Variants in ACTA2 observed in about 807,000 individuals in gnomAD.
ACTA2 encodes the protein actin alpha 2, smooth muscle, also known as actin, aortic smooth muscle.
In ACTA2, 12 loss-of-function variants were observed where a neutral mutation model predicts 39.5. That is an observed-to-expected ratio of 0.30 (90% CI 0.19 to 0.49). The LOEUF (loss-of-function observed/expected upper bound fraction) is 0.49, where lower values mean the gene tolerates loss of function less well. Ranked by LOEUF, ACTA2 falls within the 20% of genes least tolerant of loss-of-function variation. The pLI is 0.99. For synonymous variants in ACTA2, 158 were observed against 180.6 expected (o/e 0.88, Z 1.00); for missense variants, 236 against 498.8 (o/e 0.47, Z 5.02).
chr10:88,983,701 A>G (rs1312552937), intron 1 of ACTA2, among the ~76,000 whole-genome samples: 5 of 149,620 alleles, frequency 3.3e-5, no homozygotes, highest in African/African-American at 9.8e-5. Flanking sequence ...TATTACTGAT[A>G]TCTTATTTTT....
exon 1 of ACTA2, chr10:88,991,258 C>G (rs1349712357): frequency 2.2e-6 from 1 of 463,068 alleles, no homozygotes; most frequent in Non-Finnish European, 4.0e-6. Flanking sequence ...GTCTGGGAAG[C>G]TTTAGGGTCG....
intron 2 of ACTA2, 110 bp from the exon 3 acceptor site, chr10:88,947,496 A>C: frequency 2.7e-6 from 4 of 1,490,938 alleles, no homozygotes; most frequent in Non-Finnish European, 2.8e-6. Context: ...TCTTCTGATT[A>C]TCAGCAACAA....
intron 1 of ACTA2, among the ~76,000 whole-genome samples, chr10:88,971,131 T>C (rs1846437031): frequency 6.6e-6 from 1 of 152,188 alleles, no homozygotes; most frequent in Non-Finnish European, 1.5e-5. Context: ...AATTGTAGAT[T>C]TGGGCAGAAA....
rs545359069 is a variant in ACTA2, at chr10:88,958,175, ATAT to A, written c.-23-9225_-23-9223del. 1.6e-3 allele frequency among the ~76,000 whole-genome samples: 238 copies of A among 152,290 alleles called. 1 individual carries two copies. The highest frequency in any genetic ancestry group is 3.3e-3 in the Admixed American group (51 of 15,304). On this transcript the variant is annotated intron_variant, in intron 1 of 4. Transcript: ENST00000415557. The stretch of plus-strand genomic sequence containing the variant: ...TTCTATAATAATATGTCCAACTATA[ATAT>A]GTTTGAAGGCAGACTAAATTGATTT...
exon 1 of ACTA2, chr10:88,991,120 T>C: frequency 1.6e-6 from 1 of 636,752 alleles, no homozygotes; most frequent in Non-Finnish European, 2.7e-6. Context: ...CTGGAGGACT[T>C]GCTTTTCTTG....
At chr10:88,985,819 G>T (rs962530135) in intron 1 of ACTA2, among the ~76,000 whole-genome samples, 1 of 152,224 alleles carries the variant, frequency 6.6e-6, no homozygotes, top group African/African-American at 2.4e-5. Context: ...TTGGGGGCAG[G>T]GAGGAAGTCT....
At chr10:88,941,192 C>CAT (rs1446834354) in intron 6 of ACTA2, 37 bp downstream of exon 6, 1 of 1,612,460 alleles carries the variant, frequency 6.2e-7, no homozygotes, top group Admixed American at 1.7e-5. Flanking sequence ...GAGCAACACA[C>CAT]TGCTCCCCTC....
chr10:88,949,028 C>G, intron 1 of ACTA2, 75 bp from the exon 2 acceptor site: 2 of 1,527,880 alleles, frequency 1.3e-6, no homozygotes, highest in East Asian at 2.3e-5. Flanking sequence ...CTCCCACCTC[C>G]AAGGCTGGGT....
Position 88,990,324 on chromosome 10 carries a change from C to T in ACTA2, c.-24+615G>A, listed in dbSNP as rs1036078014. Among the ~76,000 whole-genome samples, 2 of 152,210 alleles carry T rather than the reference C, an allele frequency of 1.3e-5. No individual in the cohort carries two copies. The highest frequency in any genetic ancestry group is 2.9e-5 in the Non-Finnish European group (2 of 68,038). Reference sequence around the variant, plus strand: ...CAAGGCTCCTGTACCCAGGCAGGACCTCTGCGCTCTGAGCTCCATTCTCCT... The same window carrying T: ...CAAGGCTCCTGTACCCAGGCAGGACTTCTGCGCTCTGAGCTCCATTCTCCT... On this transcript the variant is annotated intron_variant, in intron 1 of 4. Coordinates refer to the ACTA2 transcript ENST00000415557. This position sits in a 1 kb window ranked among gnomAD's most constrained non-coding sequence, Gnocchi z 4.9.
intron 1 of ACTA2, among the ~76,000 whole-genome samples, chr10:88,975,366 G>A (rs1487798104): frequency 6.6e-6 from 1 of 152,214 alleles, no homozygotes; most frequent in Non-Finnish European, 1.5e-5. Flanking sequence ...AATTAGTTGA[G>A]AAGGACAATA....
chr10:88,975,730 A>C (rs1438362827), intron 1 of ACTA2, among the ~76,000 whole-genome samples: 1 of 152,124 alleles, frequency 6.6e-6, no homozygotes, highest in Non-Finnish European at 1.5e-5. Flanking sequence ...AATATTCGAG[A>C]ATTAAAGAAA....
intron 3 of ACTA2, 107 bp from the exon 4 acceptor site, chr10:88,944,014 G>A: frequency 1.1e-6 from 1 of 921,484 alleles, no homozygotes; most frequent in Non-Finnish European, 1.7e-6. Flanking sequence ...CAAAGGAAAT[G>A]CTACAAGTAC....
chr10:88,990,909 G>T lies in ACTA2; in HGVS notation c.-24+30C>A. On this transcript the variant is annotated intron_variant, in intron 1 of 4. Coordinates refer to the ACTA2 transcript ENST00000415557. The surrounding 1 kb of genome is among the most constrained non-coding windows in gnomAD (Gnocchi z 4.9). ...GCATCTGGACCCTCCTACCTCTGGT[G>T]AGCCCTCTCCTGCCCGGGTGGAGGC... is the stretch of plus-strand genomic sequence containing the variant. 1 of 1,614,196 alleles carries T rather than the reference G, an allele frequency of 6.2e-7. No homozygotes were observed. The highest frequency in any genetic ancestry group is 1.1e-5 in the South Asian group (1 of 91,082).
intron 1 of ACTA2, among the ~76,000 whole-genome samples, chr10:88,984,794 C>T (rs1358318975): frequency 6.6e-6 from 1 of 152,206 alleles, no homozygotes; most frequent in Admixed American, 6.5e-5. Context: ...GACATCTTCT[C>T]ACCTTCAGAC....
intron 1 of ACTA2, among the ~76,000 whole-genome samples, chr10:88,982,440 G>A (rs1433380012): frequency 6.8e-6 from 1 of 147,726 alleles, no homozygotes; most frequent in Admixed American, 6.7e-5. Context: ...TTTTTTTTTT[G>A]AAATGAGGAA....
chr10:88,990,561 C>G lies in ACTA2; in HGVS notation c.-24+378G>C. On this transcript the variant is annotated intron_variant, in intron 1 of 4. Coordinates refer to the ACTA2 transcript ENST00000415557. The surrounding 1 kb of genome is among the most constrained non-coding windows in gnomAD (Gnocchi z 4.9). ...CCGCGCGCAGGCCAAGTTGCTGAAT[C>G]AATGGAGCCCTCCCCAACCCGGGCG... 1.6e-6 allele frequency: 1 copy of G among 643,366 alleles called. No homozygotes were observed. The highest frequency in any genetic ancestry group is 1.8e-5 in the African/African-American group (1 of 56,410). 39.9% of individuals were successfully genotyped at this position (643,366 alleles called of 1,614,324 possible). A position where few individuals can be genotyped will look rare whatever the true frequency, so the allele number is the denominator to read the frequency against.
chr10:88,987,194 T>G (rs2133367041), intron 1 of ACTA2, among the ~76,000 whole-genome samples: 1 of 152,336 alleles, frequency 6.6e-6, no homozygotes, highest in South Asian at 2.1e-4. Context: ...TATCCCTAGA[T>G]AGCAGTCTAC....
Position 88,978,402 on chromosome 10 carries a change from A to AAAAT in ACTA2, c.-24+12533_-24+12536dup, listed in dbSNP as rs369548963. 5.3e-4 allele frequency among the ~76,000 whole-genome samples: 81 copies of AAAAT among 152,212 alleles called. 1 individual carries two copies. In the East Asian group the frequency reaches 0.013, roughly 24 times the overall value. Reference sequence around the variant, plus strand: ...TACCCTAAAACTTAAAGTATAATAAAAAATAAATAAATAAATAAATAAAAT... The same window carrying AAAAT: ...TACCCTAAAACTTAAAGTATAATAAAAAATAAATAAATAAATAAATAAATAAAAT... On this transcript the variant is annotated intron_variant, in intron 1 of 4. Transcript: ENST00000415557.
chr10:88,938,469 T>A, intron 7 of ACTA2: 2 of 548,978 alleles, frequency 3.6e-6, no homozygotes, highest in Non-Finnish European at 6.6e-6. Context: ...AGGTGTGGGC[T>A]ACAACAGGTA....
Sources: gnomAD v4.1 joint callset for allele counts (sites outside exome capture counted in the v4.1 genomes callset) on GRCh38, gnomAD v4.1.1 for gene constraint, Gnocchi (gnomAD v3.1) non-coding constraint, MANE v1.5 for transcripts, NCBI Gene and HGNC (gene_info 2026-07-23, HGNC 2026-07-21) for gene names.